Variants in PRKG1 observed in about 807,000 individuals in gnomAD.
PRKG1 encodes the protein cGMP-dependent protein kinase 1.
Under a neutral mutation model 88.1 loss-of-function variants are expected in PRKG1, and 35 were observed. The ratio of observed to expected loss-of-function variants is 0.40; its 90% CI spans 0.30 to 0.53. PRKG1 has a LOEUF of 0.53. Ranked by LOEUF, PRKG1 falls within the 20% of genes least tolerant of loss-of-function variation. The pLI, the probability that PRKG1 is intolerant of heterozygous loss-of-function variation, is 0.59. For synonymous variants in PRKG1, 303 were observed against 292.5 expected (o/e 1.04, Z -0.37); for missense variants, 540 against 839.8 (o/e 0.64, Z 4.41).
At chr10:51,214,351 A>G (rs1263258399) in intron 2 of PRKG1, among the ~76,000 whole-genome samples, 1 of 152,214 alleles carries the variant, frequency 6.6e-6, no homozygotes, top group East Asian at 1.9e-4. Flanking sequence ...TTTCTGTAGC[A>G]TGATTGAAAT....
At chr10:51,366,456 C>T (rs1421045905) in intron 2 of PRKG1, among the ~76,000 whole-genome samples, 1 of 151,922 alleles carries the variant, frequency 6.6e-6, no homozygotes. Flanking sequence ...AGCGTCTGAT[C>T]AGCCCATACT....
chr10:51,530,580 G>T (rs536559507), intron 3 of PRKG1, among the ~76,000 whole-genome samples: 1 of 152,206 alleles, frequency 6.6e-6, no homozygotes, highest in East Asian at 1.9e-4. Context: ...AGTTTCAACT[G>T]AGGTGACCGT....
At chr10:51,171,358 G>A (rs1336573584) in intron 2 of PRKG1, among the ~76,000 whole-genome samples, 1 of 152,088 alleles carries the variant, frequency 6.6e-6, no homozygotes, top group East Asian at 1.9e-4. Context: ...ATAAGATTTA[G>A]GTTTCTTTCT....
At chr10:51,386,285 T>C (rs1362069753) in intron 2 of PRKG1, among the ~76,000 whole-genome samples, 1 of 152,126 alleles carries the variant, frequency 6.6e-6, no homozygotes, top group Non-Finnish European at 1.5e-5. Context: ...AGCAGTCATG[T>C]ATTACTCAGG....
chr10:52,266,649 GA>G (rs1841577624), intron 10 of PRKG1, among the ~76,000 whole-genome samples: 1 of 151,922 alleles, frequency 6.6e-6, no homozygotes, highest in African/African-American at 2.4e-5. Flanking sequence ...TCGGAACAAA[GA>G]AAACACTTTG....
intron 7 of PRKG1, among the ~76,000 whole-genome samples, chr10:52,108,244 G>T (rs987840539): frequency 3.3e-5 from 5 of 152,316 alleles, no homozygotes; most frequent in African/African-American, 7.2e-5. Context: ...GAGGATGTAA[G>T]ATGTTGACAT....
intron 3 of PRKG1, among the ~76,000 whole-genome samples, chr10:51,777,855 G>GTA (rs756550338): frequency 3.9e-5 from 6 of 152,110 alleles, no homozygotes; most frequent in Non-Finnish European, 8.8e-5. Context: ...AGTTGGAATT[G>GTA]TATAGTACAT....
chr10:51,091,005 T>C (rs1240717281), intron 1 of PRKG1, among the ~76,000 whole-genome samples: 1 of 152,210 alleles, frequency 6.6e-6, no homozygotes, highest in East Asian at 1.9e-4. Context: ...ACCTTGATAC[T>C]GTATCTCAAG....
chr10:52,209,899 A>G (rs921148334), intron 9 of PRKG1, among the ~76,000 whole-genome samples: 7 of 152,140 alleles, frequency 4.6e-5, no homozygotes, highest in African/African-American at 1.7e-4. Flanking sequence ...CTCCTCAGCA[A>G]CAATCCATCT....
At chr10:51,551,760 G>T (rs991677200) in intron 3 of PRKG1, among the ~76,000 whole-genome samples, 3 of 151,702 alleles carry the variant, frequency 2.0e-5, no homozygotes, top group African/African-American at 7.2e-5. Context: ...CTACATCATG[G>T]AAATTGTTTT....
chr10:51,970,734 A>ATCT (rs1207173168), intron 5 of PRKG1, among the ~76,000 whole-genome samples: 1 of 125,376 alleles, frequency 8.0e-6, no homozygotes, highest in Non-Finnish European at 1.5e-5. Context: ...CAGATATATC[A>ATCT]GATTATATAT....
chr10:51,121,416 C>T (rs574801994), intron 1 of PRKG1, among the ~76,000 whole-genome samples: 86 of 152,186 alleles, frequency 5.7e-4, no homozygotes, highest in African/African-American at 2.0e-3. Context: ...GAGTTTTTCT[C>T]TCTCTGCATT....
intron 9 of PRKG1, chr10:52,185,041 T>C (rs1456024517): frequency 6.6e-6 from 1 of 152,206 alleles, no homozygotes; most frequent in African/African-American, 2.4e-5. Flanking sequence ...CTAAATCTTA[T>C]GTCCTCACAT....
chr10:51,270,226 AC>A (rs1400510943), intron 2 of PRKG1, among the ~76,000 whole-genome samples: 4 of 152,222 alleles, frequency 2.6e-5, no homozygotes, highest in African/African-American at 9.6e-5. Context: ...TATCAAATGG[AC>A]ATAGGTTATG....
intron 3 of PRKG1, among the ~76,000 whole-genome samples, chr10:51,478,438 C>T (rs1476388751): frequency 6.6e-6 from 1 of 151,918 alleles, no homozygotes; most frequent in Non-Finnish European, 1.5e-5. Flanking sequence ...CAAAAACTGG[C>T]CCCCTTGATG....
At chr10:51,914,198 A>G (rs1004480781) in intron 5 of PRKG1, among the ~76,000 whole-genome samples, 1 of 151,460 alleles carries the variant, frequency 6.6e-6, no homozygotes, top group Non-Finnish European at 1.5e-5. Context: ...CCCAATCACA[A>G]TGGAGAAATG....
intron 3 of PRKG1, among the ~76,000 whole-genome samples, chr10:51,636,112 T>G (rs1163422031): frequency 6.6e-6 from 1 of 152,214 alleles, no homozygotes; most frequent in African/African-American, 2.4e-5. Context: ...TTTTATTTCT[T>G]TAAAGCATAA....
At chr10:52,084,586 T>A (rs1846864340) in intron 7 of PRKG1, among the ~76,000 whole-genome samples, 1 of 152,098 alleles carries the variant, frequency 6.6e-6, no homozygotes. Flanking sequence ...TTTTATAATA[T>A]ACAGATATAT....
chr10:51,240,808 A>G (rs1839132911), intron 2 of PRKG1, among the ~76,000 whole-genome samples: 1 of 152,186 alleles, frequency 6.6e-6, no homozygotes, highest in African/African-American at 2.4e-5. Flanking sequence ...AAAGGCTGGG[A>G]CAATAAAAGT....
Sources: allele counts gnomAD v4.1 joint callset (sites outside exome capture counted in the v4.1 genomes callset), GRCh38; gene constraint gnomAD v4.1.1; transcripts MANE v1.5; gene names NCBI Gene and HGNC (gene_info 2026-07-23, HGNC 2026-07-21).